The following ARL6 variants were observed in gnomAD, a reference collection of about 807,000 sequenced individuals.
The protein encoded by ARL6 is ARF like GTPase 6.
Under a neutral mutation model 27.1 loss-of-function variants are expected in ARL6, and 18 were observed. The ratio of observed to expected loss-of-function variants is 0.66; its 90% CI spans 0.46 to 0.98. The LOEUF (loss-of-function observed/expected upper bound fraction) is 0.98. ARL6 is among the 50% of genes least tolerant of loss of function. The probability of loss-of-function intolerance (pLI) is 0.00; values close to 1 mark genes in which losing one functional copy is unlikely to be tolerated. For missense variants in ARL6, 187 were observed against 214.9 expected (o/e 0.87, Z 0.81); for synonymous variants, 65 against 72.3 (o/e 0.90, Z 0.51).
chr3:97,782,255 G>T (rs2037232547), intron 4 of ARL6, among the ~76,000 whole-genome samples: 1 of 151,838 alleles, frequency 6.6e-6, no homozygotes, highest in Non-Finnish European at 1.5e-5. Context: ...TTTTAAAAAT[G>T]TATTTAGCTA....
chr3:97,769,427 G>T (rs967680073), intron 2 of ARL6, among the ~76,000 whole-genome samples: 4 of 151,620 alleles, frequency 2.6e-5, no homozygotes, highest in African/African-American at 9.7e-5. Flanking sequence ...ATTTTTTATT[G>T]ATACAAATTT....
chr3:97,795,724 G>A (rs1215516614), intron 7 of ARL6, among the ~76,000 whole-genome samples: 4 of 152,128 alleles, frequency 2.6e-5, no homozygotes, highest in African/African-American at 7.2e-5. Context: ...AAGGATGAAC[G>A]TGGGATGAAA....
chr3:97,780,511 T>C, intron 3 of ARL6, 104 bp from the exon 4 acceptor site: 2 of 909,650 alleles, frequency 2.2e-6, no homozygotes, highest in Non-Finnish European at 3.6e-6. Context: ...ACATGTTGAA[T>C]ATTGCATATG....
At chr3:97,774,864 A>T (rs1405557205) in intron 2 of ARL6, among the ~76,000 whole-genome samples, 1 of 152,056 alleles carries the variant, frequency 6.6e-6, no homozygotes, top group Non-Finnish European at 1.5e-5. Context: ...CTGAGTTCAT[A>T]ATTTTCTTTC....
At chr3:97,789,595 C>T (rs568905127) in intron 6 of ARL6, among the ~76,000 whole-genome samples, 1 of 152,052 alleles carries the variant, frequency 6.6e-6, no homozygotes, top group East Asian at 1.9e-4. Context: ...TGTTATTTTG[C>T]CAGTTGCTAG....
chr3:97,788,266 T>A, intron 6 of ARL6, 147 bp downstream of exon 6: 1 of 927,802 alleles, frequency 1.1e-6, no homozygotes, highest in Non-Finnish European at 1.6e-6. Context: ...ATTGTGGCAT[T>A]GTAGGTTTTT....
intron 7 of ARL6, among the ~76,000 whole-genome samples, chr3:97,794,541 C>A (rs557280877): frequency 6.6e-6 from 1 of 151,792 alleles, no homozygotes; most frequent in East Asian, 2.0e-4. Context: ...TGTGTAATAA[C>A]AAATAGTTTA....
intron 7 of ARL6, among the ~76,000 whole-genome samples, chr3:97,792,555 G>A (rs548785843): frequency 2.0e-5 from 3 of 152,192 alleles, no homozygotes; most frequent in East Asian, 3.9e-4. Flanking sequence ...TACACAACTT[G>A]TAATATTCAT....
intron 4 of ARL6, among the ~76,000 whole-genome samples, chr3:97,784,014 T>C (rs1323621416): frequency 6.6e-6 from 1 of 151,888 alleles, no homozygotes; most frequent in African/African-American, 2.4e-5. Flanking sequence ...TATGTAGTCT[T>C]AGAAATGTTA....
In ARL6 at chr3:97,781,750, A is replaced by G. The variant is rs1049072503; in HGVS notation, c.254+1067A>G. 2.0e-5 allele frequency among the ~76,000 whole-genome samples: 3 copies of G among 152,048 alleles called. 1 individual carries two copies. The highest frequency in any genetic ancestry group is 7.2e-5 in the African/African-American group (3 of 41,436). On this transcript the variant is annotated intron_variant, in intron 4 of 7. Transcript: ENST00000463745. The stretch of plus-strand genomic sequence containing the variant: ...AATAAAATAAATTCATTAGCTTCTA[A>G]TATTGTTAGGACTTCATTTAAGAGC...
intron 4 of ARL6, 53 bp downstream of exon 4, chr3:97,780,736 G>C: frequency 7.3e-7 from 1 of 1,371,044 alleles, no homozygotes; most frequent in Non-Finnish European, 1.0e-6. Flanking sequence ...TAATAATAAT[G>C]ATTAGAAATC....
intron 2 of ARL6, among the ~76,000 whole-genome samples, chr3:97,774,455 G>A (rs2036797866): frequency 6.6e-6 from 1 of 152,058 alleles, no homozygotes; most frequent in Non-Finnish European, 1.5e-5. Flanking sequence ...GGCAGCGCAG[G>A]GTTTATCTCC....
intron 5 of ARL6, 59 bp downstream of exon 5, chr3:97,785,108 T>G (rs1242092360): frequency 7.1e-7 from 1 of 1,399,008 alleles, no homozygotes; most frequent in Non-Finnish European, 1.0e-6. Flanking sequence ...GTGTAATGTT[T>G]TGTTCTTTGG....
chr3:97,775,445 C>T (rs1330637143), intron 2 of ARL6, among the ~76,000 whole-genome samples: 3 of 53,664 alleles, frequency 5.6e-5, no homozygotes, highest in African/African-American at 1.2e-4. Flanking sequence ...GCTAAGCCAG[C>T]CTAGCCTTTT....
At chr3:97,790,033 C>T (rs751880111) in intron 6 of ARL6, among the ~76,000 whole-genome samples, 3 of 150,066 alleles carry the variant, frequency 2.0e-5, no homozygotes, top group Non-Finnish European at 4.4e-5. Context: ...TTCTTTGACT[C>T]AATCCCTGGC....
At chr3:97,779,577 A>G (rs2037080418) in intron 2 of ARL6, among the ~76,000 whole-genome samples, 1 of 152,182 alleles carries the variant, frequency 6.6e-6, no homozygotes, top group South Asian at 2.1e-4. Flanking sequence ...TTGAAAGATT[A>G]GAAAGTATGC....
chr3:97,772,902 G>A (rs1393530506), intron 2 of ARL6, among the ~76,000 whole-genome samples: 1 of 152,118 alleles, frequency 6.6e-6, no homozygotes, highest in Admixed American at 6.5e-5. Context: ...TTACAGGTGT[G>A]AGCCACCACG....
At position 97,800,617 on chromosome 3, in the gene ARL6, T is replaced by C. The variant is rs1252284090; in HGVS notation, c.*2568T>C. The C allele has an allele frequency of 1.3e-5, 2 of 152,212 alleles. No homozygotes were observed. The highest frequency in any genetic ancestry group is 2.9e-5 in the Non-Finnish European group (2 of 68,034). 9.4% of individuals were successfully genotyped at this position (152,212 alleles called of 1,614,324 possible). ...TTACAAATTGTCTCCTTAAGATATT[T>C]TTTCTTTGTAATTTTTTTATATCAT... On this transcript the variant is annotated 3_prime_UTR_variant, in exon 8 of 8. Coordinates refer to ENST00000463745, the MANE Select transcript of ARL6 (RefSeq NM_001278293.3).
chr3:97,767,174 CAA>C (rs1408603272), intron 1 of ARL6, among the ~76,000 whole-genome samples: 1 of 151,140 alleles, frequency 6.6e-6, no homozygotes, highest in African/African-American at 2.4e-5. Context: ...TACAATTGAA[CAA>C]GAGAAATGAA....
Sources: allele counts gnomAD v4.1 joint callset (sites outside exome capture counted in the v4.1 genomes callset), GRCh38; gene constraint gnomAD v4.1.1; transcripts MANE v1.5; gene names NCBI Gene and HGNC (gene_info 2026-07-23, HGNC 2026-07-21).